GCC1: variants seen among roughly 807,000 people sequenced by gnomAD.
The protein encoded by GCC1 is GRIP and coiled-coil domain containing 1.
A neutral mutation model predicts 62.5 loss-of-function variants in GCC1; 36 were observed. The observed-to-expected ratio is 0.58, with a 90% CI of 0.44 to 0.76. The LOEUF (loss-of-function observed/expected upper bound fraction) is 0.76. Among genes scored for constraint, GCC1 ranks in the 30% least tolerant of loss-of-function variants. The pLI is 0.00. For synonymous variants in GCC1, 391 were observed against 386.8 expected, an observed-to-expected ratio of 1.01 and a Z score of -0.13; for missense variants, 885 against 948.3, an observed-to-expected ratio of 0.93 and a Z score of 0.88.
chr7:127,582,082 G>C lies in GCC1; in HGVS notation c.2260C>G (p.Pro754Ala). ...TAILTILHFS[P>A]EEKQVIMRLP... ...CGCATTATCACTTGTTTCTCCTCTG[G>C]ACTGAAGTGCAAGATAGTCAGTATG... is the stretch of plus-strand genomic sequence containing the variant. The change falls in exon 2 of 2, where the codon CCA (proline) becomes GCA (alanine). Residue 754 changes from proline to alanine, a missense_variant. Coordinates refer to ENST00000321407, the MANE Select transcript of GCC1 (RefSeq NM_024523.6). The surrounding 1 kb of genome is among the most constrained non-coding windows in gnomAD (Gnocchi z 4.8). 1 of 1,614,138 alleles carries C rather than the reference G, an allele frequency of 6.2e-7. No individual in the cohort carries two copies. The highest frequency in any genetic ancestry group is 8.5e-7 in the Non-Finnish European group (1 of 1,179,994).
chr7:127,583,482 G>T (rs562808529), intron 1 of GCC1, among the ~76,000 whole-genome samples, 173 bp from the exon 2 acceptor site: 2 of 152,250 alleles, frequency 1.3e-5, no homozygotes, highest in African/African-American at 4.8e-5. Flanking sequence ...TACCTGCTTG[G>T]ATTCTGCAAG....
In GCC1 at chr7:127,581,937, A is replaced by C; in HGVS notation, c.*77T>G. ...AAGAAATAAATGACAATGTAAGAGA[A>C]GAGGCAGCAGAAACCAGAGCCTGCC... On this transcript the variant is annotated 3_prime_UTR_variant, in exon 2 of 2. Coordinates refer to ENST00000321407, the MANE Select transcript of GCC1 (RefSeq NM_024523.6). 9.3e-7 allele frequency: 1 copy of C among 1,076,706 alleles called. No homozygotes were observed. The highest frequency in any genetic ancestry group is 1.5e-5 in the South Asian group (1 of 67,284). The allele number at this position is 1,076,706 out of a possible 1,614,324, so 66.7% of individuals were successfully genotyped here. A position where few individuals can be genotyped will look rare whatever the true frequency, so the allele number is the denominator to read the frequency against.
In GCC1 at chr7:127,584,571, C is replaced by T. The variant is rs778780245; in HGVS notation, c.612G>A (p.Ala204=). The change falls in exon 1 of 2, where the codon GCG becomes GCA. Residue 204 remains alanine, a synonymous_variant. Transcript: ENST00000321407. ...CCTCCAGGCGGGCCCTCTCCTCCTC[C>T]GCCTTGTTACTGGCATCCTCTAAGT... ...KQDLEDASNK[A]EEERARLEGE... 1.4e-5 allele frequency: 22 copies of T among 1,614,026 alleles called. No individual in the cohort carries two copies. In the South Asian group the frequency reaches 2.3e-4, roughly 17 times the overall value.
At position 127,584,524 on chromosome 7, in the gene GCC1, T is replaced by G; in HGVS notation, c.659A>C (p.Glu220Ala). 2.5e-6 allele frequency: 4 copies of G among 1,614,102 alleles called. No homozygotes were observed. The highest frequency in any genetic ancestry group is 3.4e-6 in the Non-Finnish European group (4 of 1,180,026). The change falls in exon 1 of 2, where the codon GAG becomes GCG. Residue 220 changes from glutamate (E) to alanine (A), a missense_variant. By Grantham distance (107) the Glu-to-Ala change is moderately radical. Coordinates refer to ENST00000321407, the MANE Select transcript of GCC1 (RefSeq NM_024523.6). ...RLEGELKGLQ[E>A]QIAETKARLI... ...CCGGGCTTTGGTTTCTGCTATTTGC[T>G]CCTGCAGCCCCTTCAATTCTCCCTC...
In GCC1 at chr7:127,582,851, C is replaced by T. The variant is rs1484591717; in HGVS notation, c.1491G>A (p.Met497Ile). 1.9e-6 allele frequency: 3 copies of T among 1,614,200 alleles called. No individual in the cohort carries two copies. Among genetic ancestry groups the T allele is most frequent in the Non-Finnish European group, 2.5e-6 (3 of 1,180,038 alleles). The change falls in exon 2 of 2, where the codon ATG becomes ATA. Residue 497 changes from methionine (M) to isoleucine (I), a missense_variant. Physicochemically the swap from Met to Ile is conservative, Grantham distance 10. Coordinates refer to ENST00000321407, the MANE Select transcript of GCC1 (RefSeq NM_024523.6). The surrounding 1 kb of genome is among the most constrained non-coding windows in gnomAD (Gnocchi z 4.8). ...QLKEEFERYK[M>I]RAQVVLKSKN... ...TGCTTTTGAGGACAACCTGGGCTCTCATCTTGTACCTCTCAAACTCTTCCT... is the reference window on the plus strand; with the variant it reads ...TGCTTTTGAGGACAACCTGGGCTCTTATCTTGTACCTCTCAAACTCTTCCT...
chr7:127,584,608 T>C lies in GCC1; in HGVS notation c.575A>G (p.Lys192Arg). ...MEASYLADKK[K>R]MKQDLEDASN... Reference sequence around the variant, plus strand: ...GGCATCCTCTAAGTCCTGTTTCATCTTTTTCTTGTCAGCCAAGTAAGAAGC... The same window carrying C: ...GGCATCCTCTAAGTCCTGTTTCATCCTTTTCTTGTCAGCCAAGTAAGAAGC... Residue 192 changes from lysine (K) to arginine (R), a missense_variant, in exon 1 of 2, where the codon AAG (lysine) becomes AGG (arginine). Coordinates refer to ENST00000321407, the MANE Select transcript of GCC1 (RefSeq NM_024523.6). 6.2e-7 allele frequency: 1 copy of C among 1,614,178 alleles called. No individual in the cohort carries two copies. The highest frequency in any genetic ancestry group is 8.5e-7 in the Non-Finnish European group (1 of 1,180,040).
At position 127,584,407 on chromosome 7, in the gene GCC1, G is replaced by A; in HGVS notation, c.776C>T (p.Thr259Ile). The A allele has an allele frequency of 6.2e-7, 1 of 1,613,910 alleles. No individual in the cohort carries two copies. Among genetic ancestry groups the A allele is most frequent in the Non-Finnish European group, 8.5e-7 (1 of 1,180,016 alleles). The change falls in exon 1 of 2, where the codon ACC becomes ATC. Residue 259 changes from threonine (T) to isoleucine (I), a missense_variant. Coordinates refer to ENST00000321407, the MANE Select transcript of GCC1 (RefSeq NM_024523.6). ...ELQKLLQEERTQRQDLELRLE... is the reference protein window; with the variant it reads ...ELQKLLQEERIQRQDLELRLE... ...CCTAAGCTCCAAGTCCTGGCGCTGG[G>A]TCCTCTCCTCCTGCAGCAGCTTCTG...
chr7:127,582,632 G>A lies in GCC1; in HGVS notation c.1710C>T (p.Cys570=). The A allele has an allele frequency of 1.9e-6, 3 of 1,613,116 alleles. No individual in the cohort carries two copies. Among genetic ancestry groups the A allele is most frequent in the Non-Finnish European group, 2.5e-6 (3 of 1,180,000 alleles). The change falls in exon 2 of 2, where the codon TGC becomes TGT. Residue 570 remains cysteine, a synonymous_variant. Coordinates refer to ENST00000321407, the MANE Select transcript of GCC1 (RefSeq NM_024523.6). This position sits in a 1 kb window ranked among gnomAD's most constrained non-coding sequence, Gnocchi z 4.8. ...GTGTGCGGTCCCTGAAGTCCAGCTG[G>A]CACCGCTCCAGCTCCTGCCGGTGGA... ...QQLHRQELER[C]QLDFRDRTLK...
rs1219798251 is a variant in GCC1, at chr7:127,582,159, T to C, written c.2183A>G (p.Tyr728Cys). The change falls in exon 2 of 2, where the codon TAC becomes TGC. Residue 728 changes from tyrosine (Y) to cysteine (C), a missense_variant. Coordinates refer to ENST00000321407, the MANE Select transcript of GCC1 (RefSeq NM_024523.6). This position sits in a 1 kb window ranked among gnomAD's most constrained non-coding sequence, Gnocchi z 4.8. ...ANLEYLKNII[Y>C]RFLTLPDSLG... is the part of the protein sequence containing the mutation. ...GGAGTCAGGTAAGGTCAGGAAGCGGTAGATGATGTTTTTGAGGTACTCCAG... is the reference window on the plus strand; with the variant it reads ...GGAGTCAGGTAAGGTCAGGAAGCGGCAGATGATGTTTTTGAGGTACTCCAG... The C allele has an allele frequency of 6.2e-7, 1 of 1,613,888 alleles. No individual in the cohort carries two copies. The highest frequency in any genetic ancestry group is 8.5e-7 in the Non-Finnish European group (1 of 1,179,976).
rs1224980453 is a variant in GCC1, at chr7:127,584,993, CGT to C, written c.188_189del (p.His63ArgfsTer18). 2 of 1,614,068 alleles carry C rather than the reference CGT, an allele frequency of 1.2e-6. No individual in the cohort carries two copies. Among genetic ancestry groups the C allele is most frequent in the Non-Finnish European group, 1.7e-6 (2 of 1,180,044 alleles). ...EASIKVLSVS[H>X]EADVGLAGVQ... ...ACACCTGCGAGGCCCACATCTGCCT[CGT>C]GGGATACCGACAGCACCTTGATGCT... On this transcript the variant is annotated frameshift_variant, in exon 1 of 2. Transcript: ENST00000321407. LOFTEE classifies it high-confidence loss of function.
rs1450339945 is a variant in GCC1 at position 127,583,034 on chromosome 7, C to A, written c.1308G>T (p.Met436Ile). 1 of 1,614,164 alleles carries A rather than the reference C, an allele frequency of 6.2e-7. No homozygotes were observed. Residue 436 changes from methionine (M) to isoleucine (I), a missense_variant, in exon 2 of 2, where the codon ATG becomes ATT. By Grantham distance (10) the Met-to-Ile change is conservative. Transcript: ENST00000321407. ...CCTGCAGCAGCCTCTTCAGCTTCTC[C>A]ATCTTATCTTTCAGGACATTGACAT... ...SLDVNVLKDK[M>I]EKLKRLLQVA...
Position 127,582,748 on chromosome 7 carries a change from T to C in GCC1, c.1594A>G (p.Ile532Val). The C allele has an allele frequency of 2.5e-6, 4 of 1,614,088 alleles. No homozygotes were observed. The highest frequency in any genetic ancestry group is 3.4e-6 in the Non-Finnish European group (4 of 1,180,018). ...TCCTCGCAGGAGAGCCGCAGGGAAA[T>C]ATACTTCTCCTTCAGCTCTGCAAGC... ...EQLAELKEKYISLRLSCEELE... is the reference protein window; with the variant it reads ...EQLAELKEKYVSLRLSCEELE... The change falls in exon 2 of 2, where the codon ATT (isoleucine) becomes GTT (valine). Residue 532 changes from isoleucine to valine, a missense_variant. Transcript: ENST00000321407. The surrounding 1 kb of genome is among the most constrained non-coding windows in gnomAD (Gnocchi z 4.8).
Position 127,584,308 on chromosome 7 carries a change from G to A in GCC1, c.875C>T (p.Thr292Ile). ...AEQMEGFELQ[T>I]KQLTREVEEL... ...CTCCACCTCACGGGTCAGCTGCTTG[G>A]TCTGCAGTTCAAATCCTTCCATCTG... The change falls in exon 1 of 2, where the codon ACC (threonine) becomes ATC (isoleucine). Residue 292 changes from threonine (T) to isoleucine (I), a missense_variant. By Grantham distance (89) the Thr-to-Ile change is moderately conservative. Coordinates refer to ENST00000321407, the MANE Select transcript of GCC1 (RefSeq NM_024523.6). The A allele has an allele frequency of 6.2e-7, 1 of 1,613,586 alleles. No individual in the cohort carries two copies. Among genetic ancestry groups the A allele is most frequent in the South Asian group, 1.1e-5 (1 of 91,050 alleles).
Position 127,584,750 on chromosome 7 carries a change from C to G in GCC1, c.433G>C (p.Gly145Arg), listed in dbSNP as rs370013935. 1 of 1,614,096 alleles carries G rather than the reference C, an allele frequency of 6.2e-7. No individual in the cohort carries two copies. The highest frequency in any genetic ancestry group is 8.5e-7 in the Non-Finnish European group (1 of 1,180,048). Residue 145 changes from glycine to arginine, a missense_variant, in exon 1 of 2, where the codon GGG becomes CGG. Coordinates refer to ENST00000321407, the MANE Select transcript of GCC1 (RefSeq NM_024523.6). Reference sequence around the variant, plus strand: ...TCCCCACCTGCAAATGGCCCATCCCCACTGCTACTGCTAACGCCACTCTCG... The same window carrying G: ...TCCCCACCTGCAAATGGCCCATCCCGACTGCTACTGCTAACGCCACTCTCG... ...WSESGVSSSSGDGPFAGGEVD... is the reference protein window; with the variant it reads ...WSESGVSSSSRDGPFAGGEVD...
Position 127,582,694 on chromosome 7 carries a change from CA to C in GCC1, c.1647del (p.Asp550MetfsTer30). 1 of 1,614,046 alleles carries C rather than the reference CA, an allele frequency of 6.2e-7. No homozygotes were observed. The highest frequency in any genetic ancestry group is 8.5e-7 in the Non-Finnish European group (1 of 1,180,050). Reference sequence around the variant, plus strand: ...CGGGCCAGCTCCTGCTTCCAGTCATCAGCCTCCTGCTGGTGTTGGTGCTCCA... The same window carrying C: ...CGGGCCAGCTCCTGCTTCCAGTCATCGCCTCCTGCTGGTGTTGGTGCTCCA... Reference protein sequence around the residue: ...EELEHQHQQEADDWKQELARL... With the variant: ...EELEHQHQQEXDDWKQELARL... On this transcript the variant is annotated frameshift_variant, in exon 2 of 2. Coordinates refer to ENST00000321407, the MANE Select transcript of GCC1 (RefSeq NM_024523.6). LOFTEE classifies it high-confidence loss of function. This position sits in a 1 kb window ranked among gnomAD's most constrained non-coding sequence, Gnocchi z 4.8.
Position 127,584,725 on chromosome 7 carries a change from TC to T in GCC1, c.457del (p.Glu153ArgfsTer9). 1 of 1,614,106 alleles carries T rather than the reference TC, an allele frequency of 6.2e-7. No homozygotes were observed. The highest frequency in any genetic ancestry group is 8.5e-7 in the Non-Finnish European group (1 of 1,180,022). ...CAGCTGGTGCAGTCTTTTGTCCACCTCCCCACCTGCAAATGGCCCATCCCCA... is the reference window on the plus strand; with the variant it reads ...CAGCTGGTGCAGTCTTTTGTCCACCTCCCACCTGCAAATGGCCCATCCCCA... ...SSGDGPFAGG[E>X]VDKRLHQLKT... On this transcript the variant is annotated frameshift_variant, in exon 1 of 2. Coordinates refer to ENST00000321407, the MANE Select transcript of GCC1 (RefSeq NM_024523.6).
At position 127,583,397 on chromosome 7, in the gene GCC1, C is replaced by T; in HGVS notation, c.1033-88G>A. ...GCAGGAGAGGGGAGCAAAAGGGTCA[C>T]AGGTTTGGGATGGCCTGGCAAGAAT... On this transcript the variant is annotated intron_variant, in intron 1 of 1. Transcript: ENST00000321407. 5 of 1,069,980 alleles carry T rather than the reference C, an allele frequency of 4.7e-6. No individual in the cohort carries two copies. In the East Asian group the frequency reaches 1.2e-4, roughly 25 times the overall value. 66.3% of individuals were successfully genotyped at this position (1,069,980 alleles called of 1,614,324 possible).
rs771466738 is a variant in GCC1, at chr7:127,582,123, T to C, written c.2219A>G (p.Gln740Arg). 6.2e-7 allele frequency: 1 copy of C among 1,614,220 alleles called. No individual in the cohort carries two copies. The highest frequency in any genetic ancestry group is 8.5e-7 in the Non-Finnish European group (1 of 1,180,038). Residue 740 changes from glutamine (Q) to arginine (R), a missense_variant, in exon 2 of 2, where the codon CAG (glutamine) becomes CGG (arginine). Physicochemically the swap from Gln to Arg is conservative, Grantham distance 43 (BLOSUM62 1). Coordinates refer to ENST00000321407, the MANE Select transcript of GCC1 (RefSeq NM_024523.6). This position sits in a 1 kb window ranked among gnomAD's most constrained non-coding sequence, Gnocchi z 4.8. ...AGTCAGTATGGCTGTGAGAGTCTGC[T>C]GGCGGCCCAGGGAGTCAGGTAAGGT... ...FLTLPDSLGR[Q>R]QTLTAILTIL...
rs1794191086 is a variant in GCC1, at chr7:127,585,408, G to A, written c.-226C>T. The stretch of plus-strand genomic sequence containing the variant: ...GGCTGGGGCGGATTCTACCCCGGAG[G>A]CGGGGCGACACTGGCACCAGAGGTG... On this transcript the variant is annotated 5_prime_UTR_variant, in exon 1 of 2. Transcript: ENST00000321407. The A allele has an allele frequency of 1.8e-6, 1 of 557,028 alleles. No homozygotes were observed. Among genetic ancestry groups the A allele is most frequent in the African/African-American group, 1.9e-5 (1 of 52,716 alleles). 34.5% of individuals were successfully genotyped at this position (557,028 alleles called of 1,614,324 possible). A position where few individuals can be genotyped will look rare whatever the true frequency, so the allele number is the denominator to read the frequency against.
Sources: gnomAD v4.1 joint callset for allele counts (sites outside exome capture counted in the v4.1 genomes callset) on GRCh38, gnomAD v4.1.1 for gene constraint, Gnocchi (gnomAD v3.1) non-coding constraint, MANE v1.5 for transcripts, NCBI Gene and HGNC (gene_info 2026-07-23, HGNC 2026-07-21) for gene names.